The following CALD1 variants were observed in gnomAD, a reference collection of about 807,000 sequenced individuals.
The protein encoded by CALD1 is caldesmon 1, also known as caldesmon.
A neutral mutation model predicts 99.9 loss-of-function variants in CALD1; 33 were observed. The ratio of observed to expected loss-of-function variants is 0.33; its 90% confidence interval spans 0.25 to 0.44. The LOEUF is 0.44. Ranked by LOEUF, CALD1 falls within the 20% of genes least tolerant of loss-of-function variation. The probability of loss-of-function intolerance (pLI) is 1.00; values close to 1 mark genes in which losing one functional copy is unlikely to be tolerated. For synonymous variants in CALD1, 310 were observed against 325.0 expected (o/e 0.95, Z 0.50); for missense variants, 861 against 962.1 (o/e 0.89, Z 1.39).
rs574059898 is a variant in CALD1 at position 134,841,073 on chromosome 7, G to T, written c.-129-2811G>T. 1.1e-4 allele frequency among the ~76,000 whole-genome samples: 17 copies of T among 152,210 alleles called. No individual in the cohort carries two copies. The South Asian group carries it at 2.9e-3, about 26-fold the overall frequency. On this transcript the variant is annotated intron_variant, in intron 1 of 14. Transcript: ENST00000361675. ...TTGTTTTATTCAAAATGATATCAAG[G>T]TCATTCACATACACAATACATTTTT...
rs1192385277 is a variant in CALD1 at position 134,933,539 on chromosome 7, T to C, written c.770T>C (p.Met257Thr). ...GSDEISHHEK[M>T]EEEDKERAEA... ...GATGAGATTTCCCATCATGAAAAGATGGAAGAGGAAGACAAGGAAAGAGCT... is the reference window on the plus strand; with the variant it reads ...GATGAGATTTCCCATCATGAAAAGACGGAAGAGGAAGACAAGGAAAGAGCT... Residue 257 changes from methionine (M) to threonine (T), a missense_variant, in exon 5 of 15, where the codon ATG (methionine) becomes ACG (threonine). Met to Thr is a moderately conservative substitution (Grantham distance 81, BLOSUM62 -1). This residue lies in a region of CALD1 where 234 missense variants were observed against 233.1 expected (regional missense o/e 1.00). Coordinates refer to ENST00000361675, the MANE Select transcript of CALD1 (RefSeq NM_033138.4). The C allele has an allele frequency of 3.1e-6, 5 of 1,613,248 alleles. No individual in the cohort carries two copies. Among genetic ancestry groups the C allele is most frequent in the Non-Finnish European group, 4.2e-6 (5 of 1,179,800 alleles).
chr7:134,798,452 T>C (rs1464130155), intron 1 of CALD1, among the ~76,000 whole-genome samples: 1 of 152,238 alleles, frequency 6.6e-6, no homozygotes, highest in Non-Finnish European at 1.5e-5. Context: ...TTCACAGTTT[T>C]AGGCAGAAGC....
chr7:134,907,347 G>C (rs928797149), intron 3 of CALD1, among the ~76,000 whole-genome samples: 1 of 152,014 alleles, frequency 6.6e-6, no homozygotes, highest in Non-Finnish European at 1.5e-5. Flanking sequence ...GCATAGTAGA[G>C]AAAGTAGCCC....
intron 1 of CALD1, among the ~76,000 whole-genome samples, chr7:134,803,417 G>C (rs1465039899): frequency 6.6e-6 from 1 of 151,434 alleles, no homozygotes; most frequent in Admixed American, 6.6e-5. Context: ...AAATTTTATG[G>C]CTAGTTCTTT....
In CALD1 at chr7:134,790,082, G is replaced by GGAGAGAGAGA. The variant is rs56962467; in HGVS notation, c.-130+10348_-130+10357dup. Among the ~76,000 whole-genome samples the GGAGAGAGAGA allele has an allele frequency of 8.7e-3, 1,236 of 142,274 alleles. 14 individuals are homozygous for GGAGAGAGAGA. Among genetic ancestry groups the GGAGAGAGAGA allele is most frequent in the African/African-American group, 0.031 (1,165 of 38,034 alleles). The allele number at this position is 142,274 out of a possible 152,430, so 93.3% of individuals were successfully genotyped here. A position where few individuals can be genotyped will look rare whatever the true frequency, so the allele number is the denominator to read the frequency against. On this transcript the variant is annotated intron_variant, in intron 1 of 14. Transcript: ENST00000361675. ...GAGAGGAAAAGAGAAAAAGAAATAAGGAGAGAGAGAGAGAGAGAGAGAGAA... is the reference window on the plus strand; with the variant it reads ...GAGAGGAAAAGAGAAAAAGAAATAAGGAGAGAGAGAGAGAGAGAGAGAGAGAGAGAGAGAA...
intron 14 of CALD1, 31 bp downstream of exon 14, chr7:134,965,417 GGTTT>G: frequency 9.3e-7 from 1 of 1,081,034 alleles, no homozygotes; most frequent in Non-Finnish European, 1.4e-6. Context: ...GTATTTCAGA[GGTTT>G]GTTTTCCTGA....
the CALD1 span, among the ~76,000 whole-genome samples, chr7:134,725,716 C>T: frequency 6.6e-6 from 1 of 152,230 alleles, no homozygotes; most frequent in African/African-American, 2.4e-5. Context: ...AGAGTCTTTA[C>T]TGATGTGATT....
intron 3 of CALD1, among the ~76,000 whole-genome samples, chr7:134,902,174 C>T (rs1002134068): frequency 3.9e-5 from 6 of 151,994 alleles, no homozygotes; most frequent in Non-Finnish European, 5.9e-5. Flanking sequence ...AATATTTTCT[C>T]GTCACAAAAG....
At chr7:134,761,415 G>A (rs1338471928) in intron 1 of CALD1, among the ~76,000 whole-genome samples, 4 of 152,068 alleles carry the variant, frequency 2.6e-5, no homozygotes, top group Non-Finnish European at 5.9e-5. Flanking sequence ...TCAAGGTCTC[G>A]TAGAAGGAAA....
the CALD1 span, among the ~76,000 whole-genome samples, chr7:134,722,569 A>ACC: frequency 6.6e-6 from 1 of 151,886 alleles, no homozygotes; most frequent in South Asian, 2.1e-4. Context: ...TTACAGGAGC[A>ACC]TGCCACCACA....
intron 1 of CALD1, among the ~76,000 whole-genome samples, chr7:134,795,399 G>A (rs745396480): frequency 6.6e-6 from 1 of 152,120 alleles, no homozygotes; most frequent in Non-Finnish European, 1.5e-5. Context: ...ACATGATTTT[G>A]TTCCTAATTT....
intron 1 of CALD1, among the ~76,000 whole-genome samples, chr7:134,800,898 C>T (rs142418697): frequency 1.8e-4 from 27 of 152,042 alleles, no homozygotes; most frequent in African/African-American, 5.8e-4. Context: ...ATAATGAATA[C>T]ACTATTTTCT....
At chr7:134,965,846 AAAAAAAT>A (rs1808642073) in intron 14 of CALD1, among the ~76,000 whole-genome samples, 1 of 152,102 alleles carries the variant, frequency 6.6e-6, no homozygotes, top group East Asian at 1.9e-4. Context: ...AAAAAAAAAA[AAAAAAAT>A]ATTCAAAAGT....
intron 14 of CALD1, 132 bp downstream of exon 14, chr7:134,965,518 A>T: frequency 1.5e-6 from 1 of 651,734 alleles, no homozygotes; most frequent in Non-Finnish European, 2.8e-6. Flanking sequence ...AGTGTCTAAA[A>T]GACCAGTACA....
chr7:134,851,193 T>G (rs1352528662), intron 2 of CALD1, among the ~76,000 whole-genome samples: 1 of 152,166 alleles, frequency 6.6e-6, no homozygotes, highest in Non-Finnish European at 1.5e-5. Context: ...AAGCTACCAC[T>G]CCCCAAATAG....
intron 1 of CALD1, among the ~76,000 whole-genome samples, chr7:134,810,988 G>T (rs962261818): frequency 6.6e-6 from 1 of 152,048 alleles, no homozygotes; most frequent in Admixed American, 6.5e-5. Flanking sequence ...ATAATTCAAG[G>T]TTCAGCTCAT....
chr7:134,947,804 C>T, intron 8 of CALD1, 35 bp downstream of exon 8: 5 of 1,593,204 alleles, frequency 3.1e-6, no homozygotes, highest in Non-Finnish European at 4.3e-6. Flanking sequence ...GAACGTTGCC[C>T]GGGAAAATTC....
intron 13 of CALD1, 116 bp downstream of exon 13, chr7:134,960,744 C>A: frequency 1.6e-6 from 1 of 644,550 alleles, no homozygotes; most frequent in Non-Finnish European, 2.8e-6. Flanking sequence ...CTTTGCTTTC[C>A]CTGATGAATA....
intron 5 of CALD1, 66 bp downstream of exon 5, chr7:134,934,143 G>C: frequency 6.5e-7 from 1 of 1,547,480 alleles, no homozygotes; most frequent in South Asian, 1.3e-5. Context: ...ATGCACATCT[G>C]ATTTGGGACT....
Sources: gnomAD v4.1 joint callset for allele counts (sites outside exome capture counted in the v4.1 genomes callset) on GRCh38, gnomAD v4.1.1 for gene constraint, gnomAD v4.1.1 regional missense constraint, MANE v1.5 for transcripts, NCBI Gene and HGNC (gene_info 2026-07-23, HGNC 2026-07-21) for gene names.